CIT: variants seen among roughly 807,000 people sequenced by gnomAD.
CIT encodes citron Rho-interacting kinase.
In CIT, 79 loss-of-function variants were observed where a neutral mutation model predicts 272.7. The ratio of observed to expected loss-of-function variants is 0.29; its 90% CI spans 0.24 to 0.35. The LOEUF (loss-of-function observed/expected upper bound fraction) is 0.35. Among genes scored for constraint, CIT ranks in the 10% least tolerant of loss-of-function variants. The probability of loss-of-function intolerance (pLI) is 1.00; values close to 1 mark genes in which losing one functional copy is unlikely to be tolerated. For missense variants in CIT, 1,909 were observed against 2,618.3 expected, an observed-to-expected ratio of 0.73 and a Z score of 5.91; for synonymous variants, 948 against 995.6, an observed-to-expected ratio of 0.95 and a Z score of 0.90.
At chr12:119,851,005 A>T (rs565226370) in intron 4 of CIT, among the ~76,000 whole-genome samples, 46 of 152,344 alleles carry the variant, frequency 3.0e-4, no homozygotes, top group African/African-American at 9.4e-4. Context: ...AGAGAATTAC[A>T]AACATGGAAA....
intron 3 of CIT, among the ~76,000 whole-genome samples, chr12:119,866,288 C>G (rs1037431484): frequency 2.0e-5 from 3 of 152,106 alleles, no homozygotes; most frequent in African/African-American, 7.2e-5. Flanking sequence ...ATTTGAGCAG[C>G]CCCAGAGCAT....
chr12:119,747,298 G>C (rs1959567717), intron 23 of CIT, among the ~76,000 whole-genome samples: 1 of 152,046 alleles, frequency 6.6e-6, no homozygotes, highest in South Asian at 2.1e-4. Flanking sequence ...GCGCATGCCT[G>C]TAATCCCAGC....
chr12:119,711,490 G>C (rs540042316), intron 37 of CIT, among the ~76,000 whole-genome samples: 1 of 152,330 alleles, frequency 6.6e-6, no homozygotes, highest in Admixed American at 6.5e-5. Flanking sequence ...GCAGCCTATT[G>C]TGCTGCTTCG....
At chr12:119,744,999 C>T (rs191914750) in intron 23 of CIT, among the ~76,000 whole-genome samples, 6 of 151,848 alleles carry the variant, frequency 4.0e-5, no homozygotes, top group African/African-American at 2.4e-5. Flanking sequence ...GCCTAACATA[C>T]ATGCAATTAG....
chr12:119,726,748 C>T (rs1489151690), intron 28 of CIT, among the ~76,000 whole-genome samples: 1 of 152,052 alleles, frequency 6.6e-6, no homozygotes, highest in East Asian at 1.9e-4. Flanking sequence ...CCTTGCAGGT[C>T]AATCCTAAAG....
At chr12:119,860,328 G>A (rs573731849) in intron 3 of CIT, among the ~76,000 whole-genome samples, 4 of 152,178 alleles carry the variant, frequency 2.6e-5, no homozygotes, top group East Asian at 1.9e-4. Flanking sequence ...ACATGAAGTC[G>A]TGACCACTGT....
At chr12:119,759,819 A>G (rs926637725) in intron 20 of CIT, among the ~76,000 whole-genome samples, 1 of 152,110 alleles carries the variant, frequency 6.6e-6, no homozygotes. Context: ...AGTTTCCCCA[A>G]CTTAAAAAAT....
intron 12 of CIT, chr12:119,783,671 A>G (rs1347859276): frequency 2.4e-6 from 1 of 408,850 alleles, no homozygotes; most frequent in Admixed American, 3.9e-5. Context: ...TCCAGACTCC[A>G]TGGTACCAGC....
chr12:119,774,339 C>G (rs555270661), intron 16 of CIT, among the ~76,000 whole-genome samples: 2 of 152,062 alleles, frequency 1.3e-5, no homozygotes, highest in South Asian at 4.2e-4. Context: ...AGGAGGAACT[C>G]TATTAAACCA....
intron 3 of CIT, among the ~76,000 whole-genome samples, chr12:119,858,759 T>C (rs1290870720): frequency 3.3e-5 from 5 of 151,236 alleles, no homozygotes; most frequent in Non-Finnish European, 7.4e-5. Context: ...GAGACAGAGC[T>C]TGCAGTGAGC....
At chr12:119,723,190 A>G (rs1266550653) in intron 28 of CIT, among the ~76,000 whole-genome samples, 3 of 152,186 alleles carry the variant, frequency 2.0e-5, no homozygotes, top group Non-Finnish European at 4.4e-5. Flanking sequence ...CCTCCTCCGC[A>G]GCATGAGTGA....
At chr12:119,772,259 G>C (rs538832529) in intron 17 of CIT, among the ~76,000 whole-genome samples, 1 of 152,242 alleles carries the variant, frequency 6.6e-6, no homozygotes, top group South Asian at 2.1e-4. Flanking sequence ...AGTTTTTTAC[G>C]AAAAGGCACT....
chr12:119,782,501 C>CA lies in CIT; in HGVS notation c.1665+16dup, dbSNP rs1232984629. 3 of 1,612,802 alleles carry CA rather than the reference C, an allele frequency of 1.9e-6. No individual in the cohort carries two copies. In the African/African-American group the frequency reaches 4.0e-5, roughly 22 times the overall value. On this transcript the variant is annotated intron_variant, in intron 13 of 47. Transcript: ENST00000392521. The stretch of plus-strand genomic sequence containing the variant: ...GCAAGCCGAGATGCTGCTGTGCTCC[C>CA]AGGCAAGCAGGCCTACCTGCTCTTT...
At chr12:119,745,433 A>C (rs1267893184) in intron 23 of CIT, among the ~76,000 whole-genome samples, 2 of 147,156 alleles carry the variant, frequency 1.4e-5, no homozygotes, top group Non-Finnish European at 3.0e-5. Flanking sequence ...CCCAGCAAAA[A>C]TACCTCTTAA....
chr12:119,780,337 G>A (rs906322763), intron 13 of CIT, among the ~76,000 whole-genome samples: 4 of 152,088 alleles, frequency 2.6e-5, no homozygotes, highest in African/African-American at 7.2e-5. Flanking sequence ...ATGAAGAGCC[G>A]GCCAGGTGCA....
chr12:119,783,716 A>G (rs560115592), intron 12 of CIT, 192 bp downstream of exon 12: 8 of 581,002 alleles, frequency 1.4e-5, no homozygotes, highest in Admixed American at 2.9e-5. Flanking sequence ...AATGAGTCCA[A>G]TCTCATTTCT....
At chr12:119,693,140 C>T (rs762456292) in intron 46 of CIT, among the ~76,000 whole-genome samples, 1 of 152,158 alleles carries the variant, frequency 6.6e-6, no homozygotes, top group African/African-American at 2.4e-5. Context: ...CTGAGATTAA[C>T]GGGAGGAAGG....
intron 28 of CIT, among the ~76,000 whole-genome samples, chr12:119,722,994 G>A (rs1209026108): frequency 6.6e-6 from 1 of 151,994 alleles, no homozygotes; most frequent in Non-Finnish European, 1.5e-5. Context: ...GTTCGAAGTG[G>A]CAATGAGCTA....
chr12:119,777,404 G>A (rs1026590403), intron 13 of CIT, among the ~76,000 whole-genome samples: 4 of 152,208 alleles, frequency 2.6e-5, no homozygotes, highest in Non-Finnish European at 2.9e-5. Context: ...GGGTGTTGTG[G>A]CTCATGCCTG....
Sources: gnomAD v4.1 joint callset for allele counts (sites outside exome capture counted in the v4.1 genomes callset) on GRCh38, gnomAD v4.1.1 for gene constraint, MANE v1.5 for transcripts, NCBI Gene and HGNC (gene_info 2026-07-23, HGNC 2026-07-21) for gene names.